AK2: variants seen among roughly 807,000 people sequenced by gnomAD.
AK2 encodes the protein adenylate kinase 2.
A neutral mutation model predicts 24.6 loss-of-function variants in AK2; 15 were observed. That is an observed-to-expected ratio of 0.61 (90% CI 0.41 to 0.94). The LOEUF is 0.94. Ranked by LOEUF, AK2 falls within the 40% of genes least tolerant of loss-of-function variation. The pLI is 0.00. For synonymous variants in AK2, 102 were observed against 114.0 expected (o/e 0.90, Z 0.67); for missense variants, 257 against 304.1 (o/e 0.85, Z 1.15).
intron 2 of AK2, among the ~76,000 whole-genome samples, chr1:33,023,698 T>G (rs1022614671): frequency 6.6e-6 from 1 of 152,226 alleles, no homozygotes; most frequent in African/African-American, 2.4e-5. Context: ...TAAAAAACAC[T>G]TCTGTGACTT....
intron 4 of AK2, 57 bp downstream of exon 4, chr1:33,021,310 C>T: frequency 6.8e-7 from 1 of 1,469,292 alleles, no homozygotes. Flanking sequence ...AAGAGCAATT[C>T]TCAGAGTTTG....
In AK2 at chr1:33,014,524, C is replaced by T. The variant is rs757080421; in HGVS notation, c.496G>A (p.Asp166Asn). 3.1e-6 allele frequency: 5 copies of T among 1,612,024 alleles called. No homozygotes were observed. Among genetic ancestry groups the T allele is most frequent in the Non-Finnish European group, 4.2e-6 (5 of 1,178,680 alleles). Residue 166 changes from aspartate to asparagine, a missense_variant and splice_region_variant, in exon 5 of 6, where the codon GAC becomes AAC. By Grantham distance (23) the Asp-to-Asn change is conservative. Transcript: ENST00000672715. ...TTTTTTGTCCTGAGTTTACATACGT[C>T]ATCTTTCATGGGCTCTTTTGGAGGG... ...FNPPKEPMKD[D>N]ITGEPLIRRS... is the part of the protein sequence containing the mutation.
intron 1 of AK2, among the ~76,000 whole-genome samples, chr1:33,035,191 T>G (rs1640503928): frequency 6.6e-6 from 1 of 152,062 alleles, no homozygotes; most frequent in Admixed American, 6.5e-5. Flanking sequence ...ACGCTGAGGA[T>G]AAAGGATAAA....
At chr1:33,030,419 G>T (rs1489852776) in intron 1 of AK2, among the ~76,000 whole-genome samples, 1 of 151,960 alleles carries the variant, frequency 6.6e-6, no homozygotes, top group Non-Finnish European at 1.5e-5. Flanking sequence ...GCTGGGCATG[G>T]TGGCAGGTAC....
intron 4 of AK2, among the ~76,000 whole-genome samples, chr1:33,015,711 C>T (rs1368620264): frequency 2.0e-5 from 3 of 151,918 alleles, no homozygotes; most frequent in East Asian, 3.9e-4. Context: ...ACCAACGTGG[C>T]GAAACCCCGT....
At chr1:33,020,588 T>C (rs1169411494) in intron 4 of AK2, among the ~76,000 whole-genome samples, 1 of 152,202 alleles carries the variant, frequency 6.6e-6, no homozygotes, top group Admixed American at 6.5e-5. Flanking sequence ...CTCAAGCCTG[T>C]AATCCCAGCA....
intron 1 of AK2, among the ~76,000 whole-genome samples, chr1:33,025,644 G>A (rs1279666933): frequency 6.6e-6 from 1 of 152,190 alleles, no homozygotes; most frequent in Non-Finnish European, 1.5e-5. Context: ...TTAAACTGCT[G>A]GTTTGCAGAC....
rs1638619633 is a variant in AK2, at chr1:33,008,608, A to G, written c.*4573T>C. On this transcript the variant is annotated 3_prime_UTR_variant, in exon 6 of 6. Coordinates refer to ENST00000672715, the MANE Select transcript of AK2 (RefSeq NM_001625.4). Reference sequence around the variant, plus strand: ...GATCAAGGGGACGGATAAGTGTTAGAGACTGTGTTTCAGTCCTGACTGCCT... The same window carrying G: ...GATCAAGGGGACGGATAAGTGTTAGGGACTGTGTTTCAGTCCTGACTGCCT... The G allele has an allele frequency of 2.2e-6, 1 of 453,992 alleles. No homozygotes were observed. Among genetic ancestry groups the G allele is most frequent in the South Asian group, 1.6e-5 (1 of 64,478 alleles). The allele number at this position is 453,992 out of a possible 1,614,324, so 28.1% of individuals were successfully genotyped here. A position where few individuals can be genotyped will look rare whatever the true frequency, so the allele number is the denominator to read the frequency against.
At chr1:33,024,701 TG>T in intron 1 of AK2, 134 bp from the exon 2 acceptor site, 1 of 1,090,428 alleles carries the variant, frequency 9.2e-7, no homozygotes, top group Non-Finnish European at 1.4e-6. Context: ...TTACCTGTAA[TG>T]GGGATAAAAG....
rs754783464 is a variant in AK2 at position 33,012,974 on chromosome 1, A to G, written c.*207T>C. ...ACTTACAAAGTAGCAGAGTGAACAC[A>G]TATGTGCATGCACACACACACACAC... On this transcript the variant is annotated 3_prime_UTR_variant, in exon 6 of 6. Transcript: ENST00000672715. 3 of 1,576,624 alleles carry G rather than the reference A, an allele frequency of 1.9e-6. No homozygotes were observed. The highest frequency in any genetic ancestry group is 1.7e-5 in the Admixed American group (1 of 58,248).
intron 1 of AK2, chr1:33,029,299 C>T (rs1468875257): frequency 2.0e-5 from 3 of 152,074 alleles, no homozygotes; most frequent in East Asian, 3.9e-4. Flanking sequence ...GCCCACTACA[C>T]ATCGGCATGG....
chr1:33,033,174 GA>G (rs1640353407), intron 1 of AK2, among the ~76,000 whole-genome samples: 1 of 92,596 alleles, frequency 1.1e-5, no homozygotes, highest in Admixed American at 1.6e-4. Context: ...AAAAAAAAAA[GA>G]AAAGAAAAAT....
Position 33,013,054 on chromosome 1 carries a change from A to T in AK2, c.*127T>A. 2.5e-6 allele frequency: 4 copies of T among 1,602,986 alleles called. No homozygotes were observed. The highest frequency in any genetic ancestry group is 3.4e-6 in the Non-Finnish European group (4 of 1,179,498). The stretch of plus-strand genomic sequence containing the variant: ...CACACACGCCAAAGATACATCAAGC[A>T]AGTGCTTTTTTAATCAATACATCAA... On this transcript the variant is annotated 3_prime_UTR_variant, in exon 6 of 6. Coordinates refer to ENST00000672715, the MANE Select transcript of AK2 (RefSeq NM_001625.4).
In AK2 at chr1:33,013,131, C is replaced by A; in HGVS notation, c.*50G>T. ...CTTCTCTTTGCCTGTCCTATCATTC[C>A]CACCCATTGCCTCACAGGGATGGAA... On this transcript the variant is annotated 3_prime_UTR_variant, in exon 6 of 6. Coordinates refer to ENST00000672715, the MANE Select transcript of AK2 (RefSeq NM_001625.4). The A allele has an allele frequency of 6.2e-7, 1 of 1,613,818 alleles. No homozygotes were observed.
intron 1 of AK2, 89 bp downstream of exon 1, chr1:33,036,647 T>C (rs917174310): frequency 1.6e-5 from 21 of 1,276,834 alleles, no homozygotes; most frequent in Non-Finnish European, 2.2e-5. Context: ...CCCGGCCCGC[T>C]CCGGGCAGGT....
intron 1 of AK2, among the ~76,000 whole-genome samples, chr1:33,034,540 A>C (rs1640460965): frequency 6.6e-6 from 1 of 152,022 alleles, no homozygotes; most frequent in African/African-American, 2.4e-5. Flanking sequence ...TGAGGGCAAG[A>C]ACTTTATCAG....
rs1378557874 is a variant in AK2, at chr1:33,011,616, TG to T, written c.*1564del. The T allele has an allele frequency of 7.8e-7, 1 of 1,289,410 alleles. No homozygotes were observed. Among genetic ancestry groups the T allele is most frequent in the Non-Finnish European group, 1.0e-6 (1 of 990,444 alleles). The allele number at this position is 1,289,410 out of a possible 1,614,324, so 79.9% of individuals were successfully genotyped here. On this transcript the variant is annotated 3_prime_UTR_variant, in exon 6 of 6. Coordinates refer to ENST00000672715, the MANE Select transcript of AK2 (RefSeq NM_001625.4). ...AGTCAGCAGCAGATTATGCTGAGGCTGGCGATATTATTTACTGGATCTGCCA... is the reference window on the plus strand; with the variant it reads ...AGTCAGCAGCAGATTATGCTGAGGCTGCGATATTATTTACTGGATCTGCCA...
intron 1 of AK2, chr1:33,030,906 G>C (rs1640196749): frequency 1.3e-5 from 2 of 152,220 alleles, no homozygotes. Context: ...GGATTTCAAA[G>C]TGCTGGCAAT....
At chr1:33,030,357 C>A (rs570073631) in intron 1 of AK2, among the ~76,000 whole-genome samples, 1 of 152,274 alleles carries the variant, frequency 6.6e-6, no homozygotes, top group African/African-American at 2.4e-5. Flanking sequence ...AAGTTTGAGA[C>A]CAGTCCGGGC....
Sources: allele counts gnomAD v4.1 joint callset (sites outside exome capture counted in the v4.1 genomes callset), GRCh38; gene constraint gnomAD v4.1.1; transcripts MANE v1.5; gene names NCBI Gene and HGNC (gene_info 2026-07-23, HGNC 2026-07-21).